SUN1: variants seen among roughly 807,000 people sequenced by gnomAD.
The protein encoded by SUN1 is SUN domain-containing protein 1.
SUN1 carries 61 observed loss-of-function variants against 103.2 expected under a neutral mutation model. That is an observed-to-expected ratio of 0.59 (90% confidence interval 0.48 to 0.73). The LOEUF (loss-of-function observed/expected upper bound fraction) is 0.73, where lower values mean the gene tolerates loss of function less well. Among genes scored for constraint, SUN1 ranks in the 30% least tolerant of loss-of-function variants. The pLI is 0.00. For synonymous variants in SUN1, 490 were observed against 425.7 expected (o/e 1.15, Z -1.86); for missense variants, 1,052 against 1,034.6 (o/e 1.02, Z -0.23).
At chr7:851,533 T>A in intron 6 of SUN1, 51 bp downstream of exon 6, 1 of 1,426,676 alleles carries the variant, frequency 7.0e-7, no homozygotes, top group Non-Finnish European at 9.4e-7. Flanking sequence ...TTCTGGCAGC[T>A]AAGCACCTGC....
intron 1 of SUN1, among the ~76,000 whole-genome samples, chr7:833,512 T>C (rs1799873950): frequency 2.6e-5 from 4 of 152,214 alleles, no homozygotes; most frequent in African/African-American, 4.8e-5. Flanking sequence ...GGTTTCACCA[T>C]GTGGACCAGG....
intron 1 of SUN1, among the ~76,000 whole-genome samples, chr7:820,874 A>C (rs1027629639): frequency 5.9e-5 from 9 of 152,118 alleles, no homozygotes; most frequent in Admixed American, 5.9e-4. Context: ...GTTCCATCTT[A>C]CACCCTCACT....
intron 1 of SUN1, 128 bp downstream of exon 1, chr7:832,729 A>T: frequency 1.4e-6 from 1 of 740,312 alleles, no homozygotes; most frequent in Non-Finnish European, 2.3e-6. Context: ...GAAAAAAAAT[A>T]ATAAACTGTA....
chr7:839,117 A>T, intron 2 of SUN1, 131 bp downstream of exon 2: 1 of 897,564 alleles, frequency 1.1e-6, no homozygotes, highest in Non-Finnish European at 1.6e-6. Flanking sequence ...GCGTGTACAG[A>T]CACACAAACC....
At chr7:864,286 G>A (rs1834517245) in intron 15 of SUN1, among the ~76,000 whole-genome samples, 1 of 152,192 alleles carries the variant, frequency 6.6e-6, no homozygotes, top group Non-Finnish European at 1.5e-5. Context: ...AGTGGCTCAT[G>A]CCTGTAATCC....
chr7:847,457 G>A (rs1286911433), intron 5 of SUN1, among the ~76,000 whole-genome samples: 1 of 118,214 alleles, frequency 8.5e-6, no homozygotes, highest in Non-Finnish European at 1.9e-5. Context: ...TTACTCCGCA[G>A]TCCAGTCTCC....
At chr7:840,092 TTCTC>T (rs994772411) in intron 2 of SUN1, among the ~76,000 whole-genome samples, 10 of 152,348 alleles carry the variant, frequency 6.6e-5, no homozygotes, top group Admixed American at 3.3e-4. Flanking sequence ...CCAGTCATCT[TTCTC>T]TCGAGAAGGA....
intron 2 of SUN1, 142 bp from the exon 3 acceptor site, chr7:841,804 C>T: frequency 2.5e-6 from 2 of 804,780 alleles, no homozygotes; most frequent in Non-Finnish European, 3.9e-6. Context: ...ACAGTTGATT[C>T]ATTACAGCAG....
upstream of SUN1, chr7:816,038 C>G (rs1780286217): frequency 4.7e-6 from 1 of 214,820 alleles, no homozygotes; most frequent in Admixed American, 6.4e-5. Flanking sequence ...ATGCAGACCC[C>G]TCCCCCGGAT....
At chr7:827,857 G>A (rs1436254037), upstream of SUN1, among the ~76,000 whole-genome samples, 1 of 152,102 alleles carries the variant, frequency 6.6e-6, no homozygotes, top group African/African-American at 2.4e-5. Flanking sequence ...TACTGTAAAA[G>A]GTAAATGGTA....
intron 5 of SUN1, chr7:850,088 T>A (rs975717692): frequency 8.8e-6 from 13 of 1,469,104 alleles, no homozygotes; most frequent in Middle Eastern, 1.7e-4. Flanking sequence ...GCTATTTGTG[T>A]CTTGTGTGGT....
upstream of SUN1, among the ~76,000 whole-genome samples, chr7:830,140 G>C (rs1796583439): frequency 6.6e-6 from 1 of 152,264 alleles, no homozygotes; most frequent in Admixed American, 6.5e-5. Flanking sequence ...ACTGCAGGGT[G>C]GGGAGGGGAG....
intron 1 of SUN1, chr7:817,297 G>A (rs1207512030): frequency 2.3e-6 from 2 of 864,764 alleles, no homozygotes; most frequent in Non-Finnish European, 3.7e-6. Flanking sequence ...GTCTCTCCAT[G>A]CTGCCCAGGT....
Position 852,658 on chromosome 7 carries a change from C to CT in SUN1, c.905dup (p.Leu302PhefsTer27). ...TTTAGTCTTGCTCATCCCACTCTTC[C>CT]TTTTACTAGGTAAGTCAAATCTGGC... On this transcript the variant is annotated frameshift_variant, in exon 8 of 19. Coordinates refer to ENST00000401592, the MANE Select transcript of SUN1 (RefSeq NM_001130965.3). LOFTEE classifies it high-confidence loss of function. 6.2e-7 allele frequency: 1 copy of CT among 1,614,184 alleles called. No individual in the cohort carries two copies. Among genetic ancestry groups the CT allele is most frequent in the Non-Finnish European group, 8.5e-7 (1 of 1,180,036 alleles).
At chr7:830,854 G>A, upstream of SUN1, 1 of 741,776 alleles carries the variant, frequency 1.3e-6, no homozygotes, top group Non-Finnish European at 1.6e-6. Flanking sequence ...CCCAGCTTTG[G>A]GTTGTTGCTC....
intron 4 of SUN1, 35 bp from the exon 5 acceptor site, chr7:843,306 A>T (rs1475724866): frequency 6.2e-7 from 1 of 1,605,272 alleles, no homozygotes; most frequent in East Asian, 2.2e-5. Context: ...GCAGACTGTG[A>T]TAAACAGGTT....
rs186378519 is a variant in SUN1, at chr7:837,367, G to A, written c.78-1431G>A. Among the ~76,000 whole-genome samples the A allele has an allele frequency of 5.3e-5, 8 of 152,336 alleles. 1 individual carries two copies. Among genetic ancestry groups the A allele is most frequent in the Admixed American group, 3.9e-4 (6 of 15,310 alleles). ...GGCTCCCCTGAGCTGAGTTAACCTC[G>A]TGTGCCTTTGTCGGGCAGGTGCTGT... On this transcript the variant is annotated intron_variant, in intron 1 of 18. Transcript: ENST00000401592.
intron 5 of SUN1, among the ~76,000 whole-genome samples, chr7:844,383 C>G (rs143017759): frequency 8.5e-5 from 13 of 152,192 alleles, no homozygotes; most frequent in Non-Finnish European, 1.5e-4. Context: ...AGGGCAGGGC[C>G]AGGTCTGTCT....
chr7:834,297 G>A (rs933351683), intron 1 of SUN1, among the ~76,000 whole-genome samples: 4 of 152,172 alleles, frequency 2.6e-5, no homozygotes, highest in African/African-American at 9.7e-5. Context: ...AAGGTGGGGG[G>A]CTCTCTGAGG....
Sources: allele counts gnomAD v4.1 joint callset (sites outside exome capture counted in the v4.1 genomes callset), GRCh38; gene constraint gnomAD v4.1.1; transcripts MANE v1.5; gene names NCBI Gene and HGNC (gene_info 2026-07-23, HGNC 2026-07-21).